The following INTS7 variants were observed in gnomAD, a reference collection of about 807,000 sequenced individuals.
The protein encoded by INTS7 is integrator complex subunit 7.
A neutral mutation model predicts 109.2 loss-of-function variants in INTS7; 46 were observed. The observed-to-expected ratio is 0.42, with a 90% confidence interval of 0.33 to 0.54. The LOEUF (loss-of-function observed/expected upper bound fraction) is 0.54. Among genes scored for constraint, INTS7 ranks in the 20% least tolerant of loss-of-function variants. INTS7 has a pLI of 0.07. For synonymous variants in INTS7, 412 were observed against 402.9 expected (o/e 1.02, Z -0.27); for missense variants, 929 against 1,132.4 (o/e 0.82, Z 2.58).
chr1:211,950,635 T>G (rs1201488719), intron 17 of INTS7, among the ~76,000 whole-genome samples: 3 of 152,262 alleles, frequency 2.0e-5, no homozygotes, highest in Admixed American at 6.5e-5. Flanking sequence ...TAGCATTATT[T>G]CATTTAAACC....
At chr1:211,997,555 G>C (rs1171254162) in intron 7 of INTS7, among the ~76,000 whole-genome samples, 1 of 126,898 alleles carries the variant, frequency 7.9e-6, no homozygotes, top group Admixed American at 8.4e-5. Flanking sequence ...AAAAAAGGGA[G>C]AGATGTACCA....
At chr1:212,030,956 G>A (rs1667135109) in intron 1 of INTS7, 1 of 152,218 alleles carries the variant, frequency 6.6e-6, no homozygotes, top group African/African-American at 2.4e-5. Flanking sequence ...GGGGAAATTA[G>A]AGTGCAGAGA....
chr1:211,973,541 C>G (rs77272023), intron 13 of INTS7, among the ~76,000 whole-genome samples: 3,929 of 152,228 alleles, frequency 0.026, 56 homozygotes, highest in African/African-American at 0.045. Context: ...AGGTATGGAT[C>G]ATTCACATCA....
intron 7 of INTS7, among the ~76,000 whole-genome samples, chr1:212,001,546 G>T (rs192658283): frequency 7.9e-5 from 12 of 152,208 alleles, no homozygotes; most frequent in African/African-American, 2.6e-4. Flanking sequence ...CTAGAGAAGG[G>T]TTGGTCCTGG....
intron 16 of INTS7, among the ~76,000 whole-genome samples, chr1:211,955,648 T>C (rs562111240): frequency 1.3e-5 from 2 of 152,354 alleles, no homozygotes; most frequent in African/African-American, 4.8e-5. Flanking sequence ...ACTCTGATTA[T>C]TCCCTACTAT....
intron 8 of INTS7, among the ~76,000 whole-genome samples, chr1:211,987,487 T>C (rs3009999): frequency 0.046 from 6,994 of 152,204 alleles, 224 homozygotes; most frequent in African/African-American, 0.084. Flanking sequence ...TCCAGAGAAA[T>C]AATATGCACC....
At chr1:211,977,426 G>A (rs894948507) in intron 11 of INTS7, among the ~76,000 whole-genome samples, 1 of 152,126 alleles carries the variant, frequency 6.6e-6, no homozygotes, top group Non-Finnish European at 1.5e-5. Flanking sequence ...AATAAACTTA[G>A]CTAACTGCCT....
At chr1:212,018,435 C>T (rs2102487270) in intron 3 of INTS7, among the ~76,000 whole-genome samples, 1 of 151,540 alleles carries the variant, frequency 6.6e-6, no homozygotes, top group East Asian at 1.9e-4. Flanking sequence ...AATATTCAGG[C>T]TAGCTCTAAA....
intron 3 of INTS7, among the ~76,000 whole-genome samples, chr1:212,019,907 T>C (rs1253517901): frequency 6.6e-6 from 1 of 152,210 alleles, no homozygotes; most frequent in Non-Finnish European, 1.5e-5. Flanking sequence ...CAAACACAAG[T>C]TAGGCAACAA....
chr1:211,963,637 C>T (rs975044266), intron 16 of INTS7, among the ~76,000 whole-genome samples: 1 of 152,098 alleles, frequency 6.6e-6, no homozygotes, highest in Non-Finnish European at 1.5e-5. Context: ...GCTTATCCAC[C>T]ACCATCAAGT....
intron 10 of INTS7, 41 bp downstream of exon 10, chr1:211,981,052 T>C (rs766071548): frequency 1.6e-6 from 2 of 1,250,350 alleles, no homozygotes; most frequent in African/African-American, 3.0e-5. Flanking sequence ...CCTAAGACCA[T>C]CATATATATC....
intron 17 of INTS7, among the ~76,000 whole-genome samples, chr1:211,951,429 G>T (rs2808389): frequency 0.091 from 13,830 of 152,000 alleles, 986 homozygotes; most frequent in African/African-American, 0.2. Context: ...TGCCTCAGCC[G>T]CCTGAGTAGC....
rs1201578344 is a variant in INTS7, at chr1:211,967,887, T to C, written c.2105A>G (p.Asn702Ser). Residue 702 changes from asparagine (N) to serine (S), a missense_variant, in exon 15 of 20, where the codon AAT (asparagine) becomes AGT (serine). Physicochemically the swap from Asn to Ser is conservative, Grantham distance 46. This residue lies in a region of INTS7 where 787 missense variants were observed against 901.1 expected (regional missense o/e 0.87). Transcript: ENST00000366994. Reference protein sequence around the residue: ...SFDADSATLRNVELQQQSCLL... With the variant: ...SFDADSATLRSVELQQQSCLL... The stretch of plus-strand genomic sequence containing the variant: ...GGCAAGCTTGGGATACAGTTCAACA[T>C]TCCTCAAAGTTGCTGAGTCAGCATC... 6.3e-6 allele frequency: 10 copies of C among 1,587,200 alleles called. No homozygotes were observed. Among genetic ancestry groups the C allele is most frequent in the African/African-American group, 1.3e-5 (1 of 74,136 alleles).
chr1:211,973,363 A>G (rs1284046090), intron 13 of INTS7, among the ~76,000 whole-genome samples: 1 of 152,236 alleles, frequency 6.6e-6, no homozygotes, highest in Non-Finnish European at 1.5e-5. Context: ...AACACTTTTT[A>G]TAATTTTTAT....
In INTS7 at chr1:212,016,231, T is replaced by A. The variant is rs547543911; in HGVS notation, c.509+655A>T. 4.6e-5 allele frequency among the ~76,000 whole-genome samples: 7 copies of A among 152,342 alleles called. No homozygotes were observed. In the South Asian group the frequency reaches 1.4e-3, roughly 32 times the overall value. On this transcript the variant is annotated intron_variant, in intron 4 of 19. Transcript: ENST00000366994. The stretch of plus-strand genomic sequence containing the variant: ...GGATAAATTCTAGAAGTGAATTTCC[T>A]GGGTCAAAGGGATGTACTTGTTTAA...
intron 12 of INTS7, 67 bp from the exon 13 acceptor site, chr1:211,975,439 G>C: frequency 1.7e-6 from 2 of 1,193,972 alleles, no homozygotes; most frequent in Non-Finnish European, 2.5e-6. Context: ...ACATTTGAAA[G>C]AGTTGATGCA....
At position 211,975,199 on chromosome 1, in the gene INTS7, T is replaced by C; in HGVS notation, c.1782A>G (p.Leu594=). Residue 594 remains leucine (L), a synonymous_variant, in exon 13 of 20, where the codon TTA becomes TTG. Coordinates refer to ENST00000366994, the MANE Select transcript of INTS7 (RefSeq NM_015434.4). ...SSALSCIAES[L]KFYHKGIASL... is the part of the protein sequence containing the mutation. ...AAGCAATCCCTTTGTGATAGAATTT[T>C]AAAGATTCAGCAATGCAAGAAAGTG... 6.2e-7 allele frequency: 1 copy of C among 1,613,830 alleles called. No individual in the cohort carries two copies.
intron 3 of INTS7, among the ~76,000 whole-genome samples, chr1:212,017,730 C>T (rs1666501771): frequency 6.6e-6 from 1 of 152,116 alleles, no homozygotes; most frequent in Admixed American, 6.5e-5. Flanking sequence ...TACAATGTTC[C>T]TACAATGACA....
Position 211,975,336 on chromosome 1 carries a change from A to G in INTS7, c.1645T>C (p.Leu549=), listed in dbSNP as rs1664371258. 6.2e-7 allele frequency: 1 copy of G among 1,614,150 alleles called. No individual in the cohort carries two copies. The highest frequency in any genetic ancestry group is 8.5e-7 in the Non-Finnish European group (1 of 1,179,978). ...TGTTCTGAGGCAACCTGAGTCAGCA[A>G]ACTCTGATAAAGCTCTTTGGCCATG... ...HDMAKELYQS[L]LTQVASEHFY... Residue 549 remains leucine, a synonymous_variant, in exon 13 of 20, where the codon TTG becomes CTG. Coordinates refer to ENST00000366994, the MANE Select transcript of INTS7 (RefSeq NM_015434.4).
Sources: allele counts gnomAD v4.1 joint callset (sites outside exome capture counted in the v4.1 genomes callset), GRCh38; gene constraint gnomAD v4.1.1; regional missense constraint gnomAD v4.1.1; transcripts MANE v1.5; gene names NCBI Gene and HGNC (gene_info 2026-07-23, HGNC 2026-07-21).